GRIA4: variants seen among roughly 807,000 people sequenced by gnomAD.
GRIA4 encodes the protein glutamate ionotropic receptor AMPA type subunit 4, also known as glutamate receptor 4.
In GRIA4, 34 loss-of-function variants were observed where a neutral mutation model predicts 104.0. The ratio of observed to expected loss-of-function variants is 0.33; its 90% CI spans 0.25 to 0.44. The LOEUF (loss-of-function observed/expected upper bound fraction) is 0.44. GRIA4 is among the 20% of genes least tolerant of loss of function. The pLI is 1.00. For missense variants in GRIA4, 750 were observed against 1,096.5 expected (o/e 0.68, Z 4.46); for synonymous variants, 386 against 381.9 (o/e 1.01, Z -0.13).
intron 6 of GRIA4, among the ~76,000 whole-genome samples, chr11:105,893,212 C>T (rs147745828): frequency 6.6e-6 from 1 of 152,172 alleles, no homozygotes; most frequent in Non-Finnish European, 1.5e-5. Context: ...ACTGAAGTCA[C>T]TTAACCACTG....
At position 105,847,133 on chromosome 11, in the gene GRIA4, A is replaced by AT. The variant is rs545792565; in HGVS notation, c.488-14886dup. On this transcript the variant is annotated intron_variant, in intron 4 of 16. Transcript: ENST00000282499. ...CCGGGGACCGGTTTCCTGGAAGACAATTTTTCCAGGAAAATTGGGGGGATG... is the reference window on the plus strand; with the variant it reads ...CCGGGGACCGGTTTCCTGGAAGACAATTTTTTCCAGGAAAATTGGGGGGATG... Among the ~76,000 whole-genome samples, 118 of 151,652 alleles carry AT rather than the reference A, an allele frequency of 7.8e-4. 2 individuals are homozygous for AT. The East Asian group carries it at 0.018, about 23-fold the overall frequency.
chr11:105,884,679 A>G (rs1200805632), intron 5 of GRIA4, among the ~76,000 whole-genome samples: 1 of 152,194 alleles, frequency 6.6e-6, no homozygotes, highest in Non-Finnish European at 1.5e-5. Flanking sequence ...GGAGCTCTGC[A>G]AGACCTTTTG....
At chr11:105,955,043 G>T (rs1244751507) in intron 14 of GRIA4, among the ~76,000 whole-genome samples, 3 of 151,392 alleles carry the variant, frequency 2.0e-5, no homozygotes, top group African/African-American at 7.3e-5. Context: ...AGGATTGATT[G>T]CTCTAAGGGG....
At chr11:105,780,719 G>A (rs995129267) in intron 4 of GRIA4, among the ~76,000 whole-genome samples, 5 of 152,020 alleles carry the variant, frequency 3.3e-5, no homozygotes, top group African/African-American at 9.7e-5. Flanking sequence ...TGTATTAGAA[G>A]TTTTACAAGA....
chr11:105,959,875 A>G (rs1007000730), intron 14 of GRIA4, among the ~76,000 whole-genome samples: 1 of 152,092 alleles, frequency 6.6e-6, no homozygotes, highest in Non-Finnish European at 1.5e-5. Flanking sequence ...CCTCTTCTGT[A>G]GGGCTGCTGC....
rs1033928376 is a variant in GRIA4 at position 105,700,521 on chromosome 11, C to A, written c.248-52460C>A. On this transcript the variant is annotated intron_variant, in intron 3 of 16. Transcript: ENST00000282499. Reference sequence around the variant, plus strand: ...CATGTGACAACTAGGCAGAGGCTGGCAAACTTTCAATGAATCTATCTAATC... The same window carrying A: ...CATGTGACAACTAGGCAGAGGCTGGAAAACTTTCAATGAATCTATCTAATC... 1.6e-4 allele frequency among the ~76,000 whole-genome samples: 25 copies of A among 152,172 alleles called. 1 individual carries two copies. The highest frequency in any genetic ancestry group is 4.6e-4 in the African/African-American group (19 of 41,448).
chr11:105,822,552 G>A (rs914420674), intron 4 of GRIA4, among the ~76,000 whole-genome samples: 2 of 152,066 alleles, frequency 1.3e-5, no homozygotes, highest in African/African-American at 4.8e-5. Flanking sequence ...GGAATGCAAT[G>A]ATTTTTCAAC....
intron 3 of GRIA4, among the ~76,000 whole-genome samples, chr11:105,621,574 A>G (rs1186512301): frequency 1.3e-5 from 2 of 151,738 alleles, no homozygotes; most frequent in African/African-American, 4.8e-5. Context: ...ATACTGCTGC[A>G]TAACATGCCA....
chr11:105,695,700 T>C (rs1953253171), intron 3 of GRIA4, among the ~76,000 whole-genome samples: 1 of 152,216 alleles, frequency 6.6e-6, no homozygotes, highest in African/African-American at 2.4e-5. Flanking sequence ...TAGTTATATT[T>C]ATTTTTGTTT....
intron 14 of GRIA4, among the ~76,000 whole-genome samples, chr11:105,942,538 G>A (rs909593905): frequency 1.3e-5 from 2 of 152,058 alleles, no homozygotes; most frequent in Non-Finnish European, 2.9e-5. Flanking sequence ...GGAAGGAACT[G>A]TATAATACAC....
chr11:105,903,518 A>G (rs564927072), intron 7 of GRIA4, among the ~76,000 whole-genome samples: 2 of 152,336 alleles, frequency 1.3e-5, no homozygotes, highest in African/African-American at 4.8e-5. Context: ...CACAACAGAA[A>G]GGCCTTGCCT....
At chr11:105,646,794 A>G (rs932046905) in intron 3 of GRIA4, among the ~76,000 whole-genome samples, 1 of 152,220 alleles carries the variant, frequency 6.6e-6, no homozygotes, top group Non-Finnish European at 1.5e-5. Flanking sequence ...AATTAACTCA[A>G]GACAGATTAG....
chr11:105,761,191 T>C (rs1187196681), intron 4 of GRIA4, among the ~76,000 whole-genome samples: 2 of 152,250 alleles, frequency 1.3e-5, no homozygotes, highest in Non-Finnish European at 2.9e-5. Flanking sequence ...TCCAGGGAAA[T>C]TGAACCATTT....
intron 3 of GRIA4, among the ~76,000 whole-genome samples, chr11:105,676,422 G>A (rs1952538455): frequency 1.3e-5 from 2 of 151,534 alleles, no homozygotes; most frequent in African/African-American, 4.8e-5. Context: ...AAACTATTTT[G>A]AACTCATACA....
intron 15 of GRIA4, 36 bp downstream of exon 15, chr11:105,972,064 C>A: frequency 7.8e-7 from 1 of 1,278,476 alleles, no homozygotes; most frequent in Non-Finnish European, 1.1e-6. Context: ...CTCTTGTGTT[C>A]ACAAAGCAGT....
chr11:105,643,759 C>T (rs903094944), intron 3 of GRIA4, among the ~76,000 whole-genome samples: 3 of 152,174 alleles, frequency 2.0e-5, no homozygotes, highest in Non-Finnish European at 4.4e-5. Flanking sequence ...TGCTCTGTCA[C>T]CCAGGCTGGA....
At chr11:105,719,420 G>T (rs532031165) in intron 3 of GRIA4, among the ~76,000 whole-genome samples, 2 of 152,170 alleles carry the variant, frequency 1.3e-5, no homozygotes, top group South Asian at 4.1e-4. Context: ...TTGTGCATAT[G>T]TCTGCTTTAA....
intron 3 of GRIA4, among the ~76,000 whole-genome samples, chr11:105,736,165 A>C (rs1237760990): frequency 6.6e-5 from 10 of 152,144 alleles, no homozygotes; most frequent in Admixed American, 6.6e-4. Context: ...TCTTGGCAAC[A>C]ATCATTTTGG....
At chr11:105,845,556 C>CTGAGA in intron 4 of GRIA4, among the ~76,000 whole-genome samples, 1 of 152,090 alleles carries the variant, frequency 6.6e-6, no homozygotes, top group East Asian at 1.9e-4. Flanking sequence ...TTTGCTAATC[C>CTGAGA]TGTTTCTTCA....
Sources: allele counts gnomAD v4.1 joint callset (sites outside exome capture counted in the v4.1 genomes callset), GRCh38; gene constraint gnomAD v4.1.1; transcripts MANE v1.5; gene names NCBI Gene and HGNC (gene_info 2026-07-23, HGNC 2026-07-21).